NDUFAF6: variants seen among roughly 807,000 people sequenced by gnomAD.
The protein encoded by NDUFAF6 is NADH:ubiquinone oxidoreductase complex assembly factor 6.
NDUFAF6 carries 45 observed loss-of-function variants against 40.8 expected under a neutral mutation model. That is an observed-to-expected ratio of 1.10 (90% CI 0.87 to 1.42). The LOEUF is 1.42. Among genes scored for constraint, NDUFAF6 ranks in the 40% most tolerant of loss-of-function variants. NDUFAF6 has a pLI of 0.00. For synonymous variants in NDUFAF6, 185 were observed against 155.9 expected (o/e 1.19, Z -1.39); for missense variants, 435 against 418.5 (o/e 1.04, Z -0.34).
At chr8:95,028,222 C>T (rs954409344) in intron 1 of NDUFAF6, among the ~76,000 whole-genome samples, 1 of 152,176 alleles carries the variant, frequency 6.6e-6, no homozygotes, top group Non-Finnish European at 1.5e-5. Context: ...CAGTGCCTGG[C>T]ACATAGTAGG....
intron 1 of NDUFAF6, among the ~76,000 whole-genome samples, chr8:94,961,568 C>G (rs541877287): frequency 6.6e-6 from 1 of 152,118 alleles, no homozygotes. Flanking sequence ...ACTACAGGCG[C>G]GTACCACTAC....
intron 1 of NDUFAF6, among the ~76,000 whole-genome samples, chr8:94,907,494 A>G (rs1308544509): frequency 1.3e-5 from 2 of 152,244 alleles, no homozygotes; most frequent in Non-Finnish European, 2.9e-5. Flanking sequence ...AGAATATATG[A>G]ATGGTGTTTG....
intron 1 of NDUFAF6, among the ~76,000 whole-genome samples, chr8:94,976,450 C>CCTT (rs1215389877): frequency 6.8e-6 from 1 of 147,394 alleles, no homozygotes; most frequent in African/African-American, 2.5e-5. Context: ...TTGCAGTGAG[C>CCTT]CAAGATCCCG....
chr8:95,036,206 A>G, intron 3 of NDUFAF6: 4 of 990,504 alleles, frequency 4.0e-6, no homozygotes, highest in Non-Finnish European at 5.3e-6. Flanking sequence ...CTCACTCATA[A>G]GCAGCCACAC....
intron 2 of NDUFAF6, among the ~76,000 whole-genome samples, chr8:94,997,677 T>C (rs1305097348): frequency 6.6e-6 from 1 of 152,234 alleles, no homozygotes; most frequent in South Asian, 2.1e-4. Flanking sequence ...ATGCTTTAGA[T>C]AATTTGGCAT....
chr8:95,077,136 T>C (rs1350223679), downstream of NDUFAF6, among the ~76,000 whole-genome samples: 1 of 152,178 alleles, frequency 6.6e-6, no homozygotes, highest in Non-Finnish European at 1.5e-5. Flanking sequence ...AAATCAACCC[T>C]GGGGATACCT....
At chr8:94,944,009 A>G (rs1821781762) in intron 1 of NDUFAF6, among the ~76,000 whole-genome samples, 1 of 152,230 alleles carries the variant, frequency 6.6e-6, no homozygotes, top group Non-Finnish European at 1.5e-5. Context: ...ATAAGGTCTG[A>G]TGTAAATAAA....
At chr8:95,048,327 A>G in intron 6 of NDUFAF6, 130 bp from the exon 7 acceptor site, 1 of 721,212 alleles carries the variant, frequency 1.4e-6, no homozygotes, top group Non-Finnish European at 2.5e-6. Flanking sequence ...ATTAAACTGT[A>G]CATACTGTTC....
At chr8:95,062,115 C>T (rs975873215), downstream of NDUFAF6, among the ~76,000 whole-genome samples, 6 of 151,298 alleles carry the variant, frequency 4.0e-5, no homozygotes, top group African/African-American at 1.2e-4. Flanking sequence ...CAAGCAAGAT[C>T]GCGCCACTGC....
At chr8:94,906,039 C>T (rs1354401986) in intron 1 of NDUFAF6, among the ~76,000 whole-genome samples, 1 of 152,152 alleles carries the variant, frequency 6.6e-6, no homozygotes, top group Non-Finnish European at 1.5e-5. Flanking sequence ...AATGTACCAG[C>T]ATCATAACAA....
chr8:95,047,801 G>A (rs1031505891), intron 6 of NDUFAF6, among the ~76,000 whole-genome samples: 9 of 151,992 alleles, frequency 5.9e-5, no homozygotes, highest in African/African-American at 1.9e-4. Flanking sequence ...GAGCCACTGC[G>A]CCCGGCGAGA....
In NDUFAF6 at chr8:94,912,315, C is replaced by T. The variant is rs76139660; in HGVS notation, c.-936+16388C>T. Among the ~76,000 whole-genome samples the T allele has an allele frequency of 1.2e-4, 18 of 152,264 alleles. No homozygotes were observed. The East Asian group carries it at 3.1e-3, about 26-fold the overall frequency. On this transcript the variant is annotated intron_variant, in intron 1 of 14. Coordinates refer to the NDUFAF6 transcript ENST00000396113. The stretch of plus-strand genomic sequence containing the variant: ...TAAGGTCCACTATCATCCATCTTTG[C>T]GGCCTGATGAGTTTTAGAATTCAGA...
At chr8:94,962,615 T>G (rs1232099973) in intron 1 of NDUFAF6, among the ~76,000 whole-genome samples, 16 of 89,558 alleles carry the variant, frequency 1.8e-4, no homozygotes, top group Admixed American at 9.9e-4. Context: ...TTTTGTTTTT[T>G]GTTTTTTTTT....
At chr8:95,087,263 G>GT (rs1463883095) in intron 2 of NDUFAF6, among the ~76,000 whole-genome samples, 2 of 152,110 alleles carry the variant, frequency 1.3e-5, no homozygotes, top group Non-Finnish European at 2.9e-5. Flanking sequence ...TCCTGCAGTG[G>GT]TTTTCCCTCC....
At chr8:95,046,906 A>T in intron 5 of NDUFAF6, 88 bp from the exon 6 acceptor site, 1 of 1,559,258 alleles carries the variant, frequency 6.4e-7, no homozygotes, top group Non-Finnish European at 8.8e-7. Context: ...GTCTCCTTTT[A>T]CATGTTTAGG....
At chr8:95,096,129 A>G (rs1809457131), upstream of NDUFAF6, among the ~76,000 whole-genome samples, 1 of 152,208 alleles carries the variant, frequency 6.6e-6, no homozygotes, top group Non-Finnish European at 1.5e-5. Context: ...CAATTTACAA[A>G]TAGTTTAATT....
chr8:95,063,385 G>A (rs936976739), downstream of NDUFAF6, among the ~76,000 whole-genome samples: 4 of 152,150 alleles, frequency 2.6e-5, no homozygotes, highest in East Asian at 7.7e-4. Context: ...TGGATCACAA[G>A]GTCAGGAGTT....
intron 2 of NDUFAF6, among the ~76,000 whole-genome samples, chr8:94,946,216 ATAT>A (rs1468444898): frequency 6.6e-6 from 1 of 151,892 alleles, no homozygotes; most frequent in African/African-American, 2.4e-5. Flanking sequence ...AATGGTTTTC[ATAT>A]TATTACATGA....
At chr8:95,092,312 G>T (rs138615363) in intron 2 of NDUFAF6, among the ~76,000 whole-genome samples, 149 of 151,560 alleles carry the variant, frequency 9.8e-4, no homozygotes, top group African/African-American at 3.5e-3. Context: ...CTCCCAAGTA[G>T]CTGGGATTAC....
Sources: allele counts gnomAD v4.1 joint callset (sites outside exome capture counted in the v4.1 genomes callset), GRCh38; gene constraint gnomAD v4.1.1; transcripts MANE v1.5; gene names NCBI Gene and HGNC (gene_info 2026-07-23, HGNC 2026-07-21).